KLHL1: variants seen among roughly 807,000 people sequenced by gnomAD.
KLHL1 encodes the protein kelch-like protein 1.
In KLHL1, 47 loss-of-function variants were observed where a neutral mutation model predicts 77.7. The ratio of observed to expected loss-of-function variants is 0.60; its 90% CI spans 0.48 to 0.77. The LOEUF (loss-of-function observed/expected upper bound fraction) is 0.77, where lower values mean the gene tolerates loss of function less well. Ranked by LOEUF, KLHL1 falls within the 30% of genes least tolerant of loss-of-function variation. The pLI, the probability that KLHL1 is intolerant of heterozygous loss-of-function variation, is 0.00. For synonymous variants in KLHL1, 360 were observed against 325.2 expected (o/e 1.11, Z -1.15); for missense variants, 925 against 910.8 (o/e 1.02, Z -0.20).
At chr13:70,095,180 T>C (rs546609062) in intron 1 of KLHL1, among the ~76,000 whole-genome samples, 1 of 152,206 alleles carries the variant, frequency 6.6e-6, no homozygotes, top group South Asian at 2.1e-4. Flanking sequence ...TAGATCTAAG[T>C]GAAATTTGGG....
At chr13:69,920,136 T>A (rs981989459) in intron 4 of KLHL1, among the ~76,000 whole-genome samples, 2 of 149,032 alleles carry the variant, frequency 1.3e-5, no homozygotes, top group African/African-American at 4.9e-5. Context: ...ATAGATAAAA[T>A]TTGTTTGTTT....
At chr13:69,965,908 C>T (rs531558081) in intron 2 of KLHL1, among the ~76,000 whole-genome samples, 156 of 152,074 alleles carry the variant, frequency 1.0e-3, no homozygotes, top group African/African-American at 3.1e-3. Context: ...AGAGAGGTGA[C>T]GAAACTGCAG....
intron 7 of KLHL1, among the ~76,000 whole-genome samples, chr13:69,767,245 G>A (rs1566229019): frequency 6.6e-6 from 1 of 152,086 alleles, no homozygotes; most frequent in Non-Finnish European, 1.5e-5. Context: ...TTTAACTGAT[G>A]TAAAAATTCA....
At chr13:69,703,808 C>G (rs1203749886) in intron 10 of KLHL1, among the ~76,000 whole-genome samples, 1 of 151,606 alleles carries the variant, frequency 6.6e-6, no homozygotes, top group African/African-American at 2.4e-5. Context: ...GCTTTGTAAC[C>G]TAGGAGCAAT....
chr13:70,096,176 TA>T (rs1375231038), intron 1 of KLHL1, among the ~76,000 whole-genome samples: 1 of 152,136 alleles, frequency 6.6e-6, no homozygotes, highest in Non-Finnish European at 1.5e-5. Context: ...GTTTCTACAA[TA>T]AACTGCTTTC....
At chr13:69,770,080 G>T (rs1236594326) in intron 7 of KLHL1, among the ~76,000 whole-genome samples, 1 of 152,108 alleles carries the variant, frequency 6.6e-6, no homozygotes, top group East Asian at 1.9e-4. Context: ...ACTTCTTGGG[G>T]GCTTAGAACT....
chr13:69,991,657 TAATA>T (rs1027068097), intron 1 of KLHL1, among the ~76,000 whole-genome samples: 1 of 149,318 alleles, frequency 6.7e-6, no homozygotes, highest in African/African-American at 2.5e-5. Flanking sequence ...ATGGAATCAG[TAATA>T]AATAGCCTAT....
chr13:69,825,568 A>G (rs2138085257), intron 6 of KLHL1, among the ~76,000 whole-genome samples: 1 of 152,298 alleles, frequency 6.6e-6, no homozygotes, highest in East Asian at 1.9e-4. Context: ...TCATGCTAAA[A>G]GTCATGATAA....
At chr13:70,072,262 C>T (rs1363667473) in intron 1 of KLHL1, among the ~76,000 whole-genome samples, 1 of 152,044 alleles carries the variant, frequency 6.6e-6, no homozygotes, top group African/African-American at 2.4e-5. Flanking sequence ...AAATAAATAT[C>T]TGTGTAGTTT....
At chr13:69,931,420 T>G (rs535776487) in intron 4 of KLHL1, among the ~76,000 whole-genome samples, 9 of 151,922 alleles carry the variant, frequency 5.9e-5, no homozygotes, top group African/African-American at 2.2e-4. Flanking sequence ...ATTAACTTTG[T>G]CTTGCATAAA....
At chr13:70,019,554 C>G (rs900419351) in intron 1 of KLHL1, among the ~76,000 whole-genome samples, 1 of 152,092 alleles carries the variant, frequency 6.6e-6, no homozygotes, top group South Asian at 2.1e-4. Context: ...CCATGCCAGA[C>G]GATCTGCTAA....
chr13:70,094,864 CCTGT>C (rs1304968417), intron 1 of KLHL1, among the ~76,000 whole-genome samples: 1 of 152,092 alleles, frequency 6.6e-6, no homozygotes, highest in Non-Finnish European at 1.5e-5. Context: ...AAGAATCATC[CCTGT>C]CTTTCAACTT....
At chr13:69,779,051 G>T (rs1184321216) in intron 7 of KLHL1, among the ~76,000 whole-genome samples, 1 of 151,936 alleles carries the variant, frequency 6.6e-6, no homozygotes, top group East Asian at 1.9e-4. Context: ...GCCCACCTCA[G>T]CCTCCCAAAG....
chr13:70,074,335 C>G (rs1447621592), intron 1 of KLHL1, among the ~76,000 whole-genome samples: 1 of 152,032 alleles, frequency 6.6e-6, no homozygotes, highest in African/African-American at 2.4e-5. Flanking sequence ...TCTATAATCT[C>G]GGATCTAAGG....
At chr13:69,910,838 T>G (rs1356172336) in intron 4 of KLHL1, among the ~76,000 whole-genome samples, 1 of 152,064 alleles carries the variant, frequency 6.6e-6, no homozygotes, top group Non-Finnish European at 1.5e-5. Context: ...TTATAATTAG[T>G]TCAAAGGAGA....
intron 1 of KLHL1, among the ~76,000 whole-genome samples, chr13:70,083,501 AT>A (rs1422553544): frequency 6.6e-6 from 1 of 152,196 alleles, no homozygotes; most frequent in Non-Finnish European, 1.5e-5. Context: ...ATACTTATTA[AT>A]TTTAGACTAG....
intron 9 of KLHL1, among the ~76,000 whole-genome samples, chr13:69,709,472 C>A (rs935580919): frequency 6.6e-6 from 1 of 151,838 alleles, no homozygotes; most frequent in East Asian, 1.9e-4. Flanking sequence ...AAGTTAAATG[C>A]GAGTTAGAAA....
At chr13:70,068,020 T>C (rs1442983437) in intron 1 of KLHL1, among the ~76,000 whole-genome samples, 1 of 150,698 alleles carries the variant, frequency 6.6e-6, no homozygotes, top group Non-Finnish European at 1.5e-5. Context: ...AAATCACATG[T>C]TGTTCACTAA....
At chr13:69,826,906 C>T (rs932902111) in intron 6 of KLHL1, among the ~76,000 whole-genome samples, 2 of 147,880 alleles carry the variant, frequency 1.4e-5, no homozygotes, top group African/African-American at 5.2e-5. Context: ...CCTTTATAAA[C>T]TTGTATTCAT....
Sources: gnomAD v4.1 joint callset for allele counts (sites outside exome capture counted in the v4.1 genomes callset) on GRCh38, gnomAD v4.1.1 for gene constraint, MANE v1.5 for transcripts, NCBI Gene and HGNC (gene_info 2026-07-23, HGNC 2026-07-21) for gene names.